Variants in RAMP1 observed in about 807,000 individuals in gnomAD.
RAMP1 encodes the protein receptor activity modifying protein 1.
RAMP1 carries 7 observed loss-of-function variants against 8.2 expected under a neutral mutation model. That is an observed-to-expected ratio of 0.85 (90% CI 0.49 to 1.60). The LOEUF (loss-of-function observed/expected upper bound fraction) is 1.60. Among genes scored for constraint, RAMP1 ranks in the 40% most tolerant of loss-of-function variants. RAMP1 has a pLI of 0.00. For synonymous variants in RAMP1, 92 were observed against 84.7 expected, an observed-to-expected ratio of 1.09 and a Z score of -0.47; for missense variants, 192 against 202.4, an observed-to-expected ratio of 0.95 and a Z score of 0.31.
At chr2:237,866,588 C>T (rs113821821) in intron 1 of RAMP1, among the ~76,000 whole-genome samples, 224 of 152,234 alleles carry the variant, frequency 1.5e-3, no homozygotes, top group African/African-American at 4.9e-3. Flanking sequence ...GCCGAACCCC[C>T]ACATGGTCAG....
At chr2:237,876,020 G>A (rs2062299451) in intron 1 of RAMP1, among the ~76,000 whole-genome samples, 1 of 152,164 alleles carries the variant, frequency 6.6e-6, no homozygotes, top group Non-Finnish European at 1.5e-5. Flanking sequence ...TCTGAACCCT[G>A]AAGCCTCAGT....
intron 2 of RAMP1, among the ~76,000 whole-genome samples, chr2:237,898,305 A>T (rs1417863740): frequency 6.6e-6 from 1 of 152,254 alleles, no homozygotes; most frequent in Non-Finnish European, 1.5e-5. Flanking sequence ...TCAGCAATGC[A>T]GTAGGTCAAA....
intron 1 of RAMP1, among the ~76,000 whole-genome samples, chr2:237,863,810 A>G (rs1229203976): frequency 6.7e-6 from 1 of 149,802 alleles, no homozygotes; most frequent in African/African-American, 2.5e-5. Context: ...AGAGTGCTTC[A>G]CTCCCTCCCA....
intron 2 of RAMP1, among the ~76,000 whole-genome samples, chr2:237,883,646 T>C (rs2062395922): frequency 6.6e-6 from 1 of 151,938 alleles, no homozygotes; most frequent in Admixed American, 6.6e-5. Context: ...TGAGACTCCA[T>C]CTCTACAAAA....
At position 237,877,160 on chromosome 2, in the gene RAMP1, T is replaced by C. The variant is rs2062314528; in HGVS notation, c.53-64T>C. On this transcript the variant is annotated intron_variant, in intron 1 of 2. Coordinates refer to ENST00000254661, the MANE Select transcript of RAMP1 (RefSeq NM_005855.4). This position sits in a 1 kb window ranked among gnomAD's most constrained non-coding sequence, Gnocchi z 4.4. ...GTCCGGGCTGCAGGGGCGCGCGGGC[T>C]GGCGGTGATACCCCTAGGCCTCTGC... 6.2e-7 allele frequency: 1 copy of C among 1,607,526 alleles called. No homozygotes were observed. Among genetic ancestry groups the C allele is most frequent in the Admixed American group, 1.7e-5 (1 of 59,950 alleles).
At chr2:237,870,830 G>C (rs2062237473) in intron 1 of RAMP1, among the ~76,000 whole-genome samples, 1 of 152,174 alleles carries the variant, frequency 6.6e-6, no homozygotes, top group Non-Finnish European at 1.5e-5. Context: ...AAGGGCCTGG[G>C]CATTTCCAGT....
chr2:237,885,350 G>T (rs1262882049), intron 2 of RAMP1, among the ~76,000 whole-genome samples: 1 of 152,074 alleles, frequency 6.6e-6, no homozygotes, highest in Non-Finnish European at 1.5e-5. Context: ...CTGCCCGGAG[G>T]CCTGGCCCTG....
intron 1 of RAMP1, among the ~76,000 whole-genome samples, chr2:237,876,296 A>G (rs2062302509): frequency 6.6e-6 from 1 of 152,136 alleles, no homozygotes; most frequent in South Asian, 2.1e-4. Flanking sequence ...GGGCAACTTG[A>G]TGTCCTCACT....
In RAMP1 at chr2:237,877,332, C is replaced by T. The variant is rs754712934; in HGVS notation, c.161C>T (p.Thr54Met). 1.1e-4 allele frequency: 177 copies of T among 1,613,626 alleles called. No homozygotes were observed. The highest frequency in any genetic ancestry group is 1.1e-4 in the Non-Finnish European group (132 of 1,179,890). The change falls in exon 2 of 3, where the codon ACG (threonine) becomes ATG (methionine). Residue 54 changes from threonine (T) to methionine (M), a missense_variant. Transcript: ENST00000254661. This position sits in a 1 kb window ranked among gnomAD's most constrained non-coding sequence, Gnocchi z 4.4. ...GTAGACATGGAGGCCGTCGGGGAGA[C>T]GCTGTGGTGTGACTGGGGCAGGACC... ...FQVDMEAVGE[T>M]LWCDWGRTIR...
At chr2:237,885,915 C>T (rs2062426132) in intron 2 of RAMP1, among the ~76,000 whole-genome samples, 2 of 152,220 alleles carry the variant, frequency 1.3e-5, no homozygotes, top group South Asian at 2.1e-4. Flanking sequence ...TAATGGCCAG[C>T]CCCGCGGGAG....
At chr2:237,885,320 GCCCTGCCCGCCGCCTGC>G (rs1305324201) in intron 2 of RAMP1, among the ~76,000 whole-genome samples, 1 of 152,188 alleles carries the variant, frequency 6.6e-6, no homozygotes, top group East Asian at 1.9e-4. Flanking sequence ...TGTTCACAGA[GCCCTGCCCGCCGCCTGC>G]CCCTGCCCGG....
At chr2:237,904,634 A>T (rs1347364786) in intron 2 of RAMP1, among the ~76,000 whole-genome samples, 1 of 152,206 alleles carries the variant, frequency 6.6e-6, no homozygotes, top group African/African-American at 2.4e-5. Flanking sequence ...TTAAAAAGCG[A>T]ATATAAAGCC....
At chr2:237,891,378 C>A (rs903475892) in intron 2 of RAMP1, among the ~76,000 whole-genome samples, 6 of 152,154 alleles carry the variant, frequency 3.9e-5, no homozygotes, top group Non-Finnish European at 7.3e-5. Flanking sequence ...TCTCGATCTC[C>A]TGACCTCGTG....
chr2:237,894,913 T>C (rs1446350127), intron 2 of RAMP1, among the ~76,000 whole-genome samples: 3 of 152,098 alleles, frequency 2.0e-5, no homozygotes, highest in Non-Finnish European at 4.4e-5. Context: ...CCTACTCCTA[T>C]CTGGTTGTGG....
chr2:237,888,149 G>C (rs2062453480), intron 2 of RAMP1, among the ~76,000 whole-genome samples: 1 of 152,086 alleles, frequency 6.6e-6, no homozygotes, highest in Non-Finnish European at 1.5e-5. Context: ...TGGCTTCTGG[G>C]TTCAAGCGAT....
At chr2:237,896,371 C>A (rs2062542364) in intron 2 of RAMP1, among the ~76,000 whole-genome samples, 1 of 152,224 alleles carries the variant, frequency 6.6e-6, no homozygotes, top group Non-Finnish European at 1.5e-5. Context: ...CCTCTCGCTT[C>A]TCCCAGCATG....
At chr2:237,895,794 G>A (rs945890489) in intron 2 of RAMP1, among the ~76,000 whole-genome samples, 14 of 152,156 alleles carry the variant, frequency 9.2e-5, no homozygotes, top group African/African-American at 3.4e-4. Context: ...CCAGGCCAGC[G>A]TTGCTTCACA....
intron 2 of RAMP1, among the ~76,000 whole-genome samples, chr2:237,895,984 C>T (rs1332526410): frequency 1.3e-5 from 2 of 152,160 alleles, no homozygotes; most frequent in Admixed American, 6.5e-5. Context: ...CCTGGGTGTC[C>T]CCACAGGGGT....
At chr2:237,887,328 C>G (rs1054032471) in intron 2 of RAMP1, among the ~76,000 whole-genome samples, 2 of 152,216 alleles carry the variant, frequency 1.3e-5, no homozygotes, top group Non-Finnish European at 2.9e-5. Context: ...TCTCAGTCCC[C>G]TGTGGGAGGG....
Sources: allele counts gnomAD v4.1 joint callset (sites outside exome capture counted in the v4.1 genomes callset), GRCh38; gene constraint gnomAD v4.1.1; non-coding constraint Gnocchi (gnomAD v3.1); transcripts MANE v1.5; gene names NCBI Gene and HGNC (gene_info 2026-07-23, HGNC 2026-07-21).